Variants in THBS4 observed in about 807,000 individuals in gnomAD.
THBS4 encodes thrombospondin-4.
Under a neutral mutation model 115.7 loss-of-function variants are expected in THBS4, and 90 were observed. That is an observed-to-expected ratio of 0.78 (90% CI 0.66 to 0.93). The LOEUF (loss-of-function observed/expected upper bound fraction) is 0.93. Ranked by LOEUF, THBS4 falls within the 40% of genes least tolerant of loss-of-function variation. The pLI is 0.00. For synonymous variants in THBS4, 460 were observed against 479.3 expected, an observed-to-expected ratio of 0.96 and a Z score of 0.53; for missense variants, 1,087 against 1,232.7, an observed-to-expected ratio of 0.88 and a Z score of 1.77.
Position 80,055,984 on chromosome 5 carries a change from C to T in THBS4, c.492C>T (p.Ser164=), listed in dbSNP as rs1833417348. The change falls in exon 3 of 22, where the codon TCC becomes TCT. Residue 164 remains serine, a synonymous_variant. Transcript: ENST00000350881. ...HNLPRAFAGP[S]QKPETIELRT... ...TCCCCAGGGCCTTTGCTGGCCCCTCCCAGAAACCTGAGACCATTGAATTGA... is the reference window on the plus strand; with the variant it reads ...TCCCCAGGGCCTTTGCTGGCCCCTCTCAGAAACCTGAGACCATTGAATTGA... 6.2e-7 allele frequency: 1 copy of T among 1,613,740 alleles called. No homozygotes were observed. The highest frequency in any genetic ancestry group is 8.5e-7 in the Non-Finnish European group (1 of 1,179,684).
intron 1 of THBS4, among the ~76,000 whole-genome samples, chr5:79,996,622 T>A (rs2151147830): frequency 6.6e-6 from 1 of 152,314 alleles, no homozygotes; most frequent in African/African-American, 2.4e-5. Flanking sequence ...AAAGCCAAGT[T>A]CATGTATTTG....
At chr5:80,046,623 T>G (rs981624225) in intron 2 of THBS4, among the ~76,000 whole-genome samples, 1 of 152,160 alleles carries the variant, frequency 6.6e-6, no homozygotes, top group African/African-American at 2.4e-5. Context: ...CAGTAAAGTT[T>G]CAAAGCTGAT....
chr5:80,070,846 T>A, intron 12 of THBS4, 96 bp downstream of exon 12: 2 of 1,560,534 alleles, frequency 1.3e-6, no homozygotes, highest in Middle Eastern at 1.8e-4. Context: ...TCATCCCAAA[T>A]GTTAGTTTCC....
intron 2 of THBS4, among the ~76,000 whole-genome samples, chr5:80,047,987 T>G (rs1346412116): frequency 1.3e-5 from 2 of 152,036 alleles, no homozygotes; most frequent in African/African-American, 4.8e-5. Context: ...CGCTGGTACA[T>G]GCCTGTAGTT....
rs142644343 is a variant in THBS4 at position 80,010,113 on chromosome 5, C to G, written n.177+11686C>G. Among the ~76,000 whole-genome samples the G allele has an allele frequency of 2.1e-4, 32 of 152,312 alleles. No individual in the cohort carries two copies. The East Asian group carries it at 6.0e-3, about 29-fold the overall frequency. ...GGACCACTGCACTGACAAAGCAACT[C>G]AGTTCTGATCTACAGTTCATTCTTG... On this transcript the variant is annotated intron_variant and non_coding_transcript_variant, in intron 2 of 3. Transcript: ENST00000510218.
At chr5:80,004,894 C>CA (rs1831985073) in intron 2 of THBS4, among the ~76,000 whole-genome samples, 1 of 152,018 alleles carries the variant, frequency 6.6e-6, no homozygotes, top group Non-Finnish European at 1.5e-5. Flanking sequence ...CCCACCACCA[C>CA]ACCCGGCTAA....
chr5:80,060,315 AG>A (rs1833588982), intron 7 of THBS4, among the ~76,000 whole-genome samples: 1 of 152,188 alleles, frequency 6.6e-6, no homozygotes, highest in South Asian at 2.1e-4. Flanking sequence ...CCTAAAATAA[AG>A]GAGCAGAGGG....
chr5:80,025,289 T>TC lies in THBS4; in HGVS notation n.178-14788_178-14787insC, dbSNP rs1413398542. ...ATGCATGAATATGAGTACAAGGACA[T>TC]ATGTATTAGAACATTGTGGTGTGCA... On this transcript the variant is annotated intron_variant and non_coding_transcript_variant, in intron 2 of 3. Transcript: ENST00000510218. 6.6e-5 allele frequency among the ~76,000 whole-genome samples: 10 copies of TC among 152,284 alleles called. No homozygotes were observed. In the East Asian group the frequency reaches 1.7e-3, roughly 26 times the overall value.
At chr5:80,000,309 CT>C (rs1423584512) in intron 2 of THBS4, among the ~76,000 whole-genome samples, 6 of 152,290 alleles carry the variant, frequency 3.9e-5, no homozygotes, top group African/African-American at 1.4e-4. Flanking sequence ...AAGAACAGAA[CT>C]TTTATTGCTT....
rs547592577 is a variant in THBS4, at chr5:80,082,461, AC to A, written c.2742del (p.Thr915GlnfsTer?). 176 of 1,614,222 alleles carry A rather than the reference AC, an allele frequency of 1.1e-4. 1 individual carries two copies. The Admixed American group carries it at 2.0e-3, about 19-fold the overall frequency. ...GGCTGACTCTGGCGTCACCATAGAC[AC>A]CACAATGCGTGGAGGCCGACTTGGC... ...LVADSGVTIDTTMRGGRLGVF... is the reference protein window; with the variant it reads ...LVADSGVTIDXTMRGGRLGVF... On this transcript the variant is annotated frameshift_variant, in exon 21 of 22. Coordinates refer to ENST00000350881, the MANE Select transcript of THBS4 (RefSeq NM_003248.6). LOFTEE classifies it high-confidence loss of function.
chr5:80,065,409 G>A lies in THBS4; in HGVS notation c.1126G>A (p.Val376Ile). Reference protein sequence around the residue: ...GISFAKSNKQVCTDIDECRNG... With the variant: ...GISFAKSNKQICTDIDECRNG... ...CTTTCTTTGAACTTTTCTGCACTAGGTCTGCACTGACATTGATGAGTGTCG... is the reference window on the plus strand; with the variant it reads ...CTTTCTTTGAACTTTTCTGCACTAGATCTGCACTGACATTGATGAGTGTCG... Residue 376 changes from valine (V) to isoleucine (I), a missense_variant and splice_region_variant, in exon 9 of 22, where the codon GTC becomes ATC. By Grantham distance (29) the Val-to-Ile change is conservative. Around this residue, in one of 3 missense-constraint regions of THBS4, gnomAD observed 979 missense variants for 1,103.7 expected, o/e 0.89. Coordinates refer to ENST00000350881, the MANE Select transcript of THBS4 (RefSeq NM_003248.6). 6.2e-7 allele frequency: 1 copy of A among 1,612,132 alleles called. No homozygotes were observed. Among genetic ancestry groups the A allele is most frequent in the Admixed American group, 1.7e-5 (1 of 59,444 alleles).
At chr5:80,028,958 TAGC>T (rs1035007031) in intron 2 of THBS4, among the ~76,000 whole-genome samples, 9 of 152,198 alleles carry the variant, frequency 5.9e-5, no homozygotes, top group Admixed American at 5.9e-4. Flanking sequence ...AATTTGTAAT[TAGC>T]AGCACTGATT....
intron 1 of THBS4, among the ~76,000 whole-genome samples, chr5:80,039,456 A>ATTTTG (rs1054550792): frequency 9.2e-5 from 14 of 152,182 alleles, no homozygotes; most frequent in Admixed American, 7.9e-4. Flanking sequence ...AAACCACATC[A>ATTTTG]TTTTGTTTTG....
At chr5:80,077,958 C>G (rs921436251) in intron 16 of THBS4, 91 bp from the exon 17 acceptor site, 2 of 1,178,932 alleles carry the variant, frequency 1.7e-6, no homozygotes, top group Admixed American at 2.8e-5. Context: ...AGCTTGAGCC[C>G]TTCTGTTCCT....
rs1465985574 is a variant in THBS4 at position 80,075,772 on chromosome 5, T to C, written c.1893-1083T>C. ...TACATAGAACGGCTGCTAATGGAAA[T>C]AGCTCAGTCTTGTGTTTTATAAAGC... On this transcript the variant is annotated intron_variant, in intron 15 of 21. Transcript: ENST00000350881. Among the ~76,000 whole-genome samples the C allele has an allele frequency of 2.6e-5, 4 of 152,348 alleles. No individual in the cohort carries two copies. In the East Asian group the frequency reaches 7.7e-4, roughly 29 times the overall value.
Position 80,079,952 on chromosome 5 carries a change from G to C in THBS4, c.2559G>C (p.Leu853=), listed in dbSNP as rs1240825227. The C allele has an allele frequency of 1.2e-6, 2 of 1,614,156 alleles. No homozygotes were observed. The change falls in exon 20 of 22, where the codon CTG becomes CTC. Residue 853 remains leucine, a synonymous_variant. Coordinates refer to ENST00000350881, the MANE Select transcript of THBS4 (RefSeq NM_003248.6). ...CAGGGGAGCATCTCCGGAACTCCCT[G>C]TGGCACACGGGGGACACCAGTGACC... is the stretch of plus-strand genomic sequence containing the variant. ...TGPGEHLRNS[L]WHTGDTSDQV...
intron 2 of THBS4, among the ~76,000 whole-genome samples, chr5:80,019,341 A>G (rs765223532): frequency 2.6e-5 from 4 of 152,238 alleles, no homozygotes; most frequent in Non-Finnish European, 5.9e-5. Context: ...AGAGATGAAC[A>G]GCCCAATGCA....
At chr5:80,059,003 G>A (rs1307049796) in intron 5 of THBS4, among the ~76,000 whole-genome samples, 1 of 152,154 alleles carries the variant, frequency 6.6e-6, no homozygotes, top group Non-Finnish European at 1.5e-5. Flanking sequence ...TAAGCAGAGC[G>A]GGAGCCATCA....
At chr5:80,049,531 A>G (rs1296997383) in intron 2 of THBS4, among the ~76,000 whole-genome samples, 1 of 152,246 alleles carries the variant, frequency 6.6e-6, no homozygotes, top group Non-Finnish European at 1.5e-5. Context: ...TTTAGAGGGA[A>G]AGGATTTATA....
Sources: gnomAD v4.1 joint callset for allele counts (sites outside exome capture counted in the v4.1 genomes callset) on GRCh38, gnomAD v4.1.1 for gene constraint, gnomAD v4.1.1 regional missense constraint, MANE v1.5 for transcripts, NCBI Gene and HGNC (gene_info 2026-07-23, HGNC 2026-07-21) for gene names.